CEP112: variants seen among roughly 807,000 people sequenced by gnomAD.
The protein encoded by CEP112 is centrosomal protein 112.
Under a neutral mutation model 153.0 loss-of-function variants are expected in CEP112, and 127 were observed. The observed-to-expected ratio is 0.83, with a 90% CI of 0.72 to 0.96. CEP112 has a LOEUF of 0.96. Ranked by LOEUF, CEP112 falls within the 40% of genes least tolerant of loss-of-function variation. The probability of loss-of-function intolerance (pLI) is 0.00; values close to 1 mark genes in which losing one functional copy is unlikely to be tolerated. For synonymous variants in CEP112, 358 were observed against 374.4 expected, an observed-to-expected ratio of 0.96 and a Z score of 0.51; for missense variants, 1,089 against 1,101.2, an observed-to-expected ratio of 0.99 and a Z score of 0.16.
intron 24 of CEP112, among the ~76,000 whole-genome samples, chr17:65,662,126 G>C (rs1019277421): frequency 2.6e-5 from 4 of 152,100 alleles, no homozygotes; most frequent in Non-Finnish European, 5.9e-5. Flanking sequence ...GCACCACCAC[G>C]CCTGACTAAG....
intron 6 of CEP112, among the ~76,000 whole-genome samples, chr17:66,103,199 A>G (rs147432085): frequency 1.3e-4 from 20 of 152,034 alleles, no homozygotes; most frequent in African/African-American, 4.6e-4. Flanking sequence ...CACTGAGTGA[A>G]TAAGAGCGAA....
chr17:65,935,821 C>A (rs1318127883), intron 18 of CEP112, among the ~76,000 whole-genome samples: 1 of 151,248 alleles, frequency 6.6e-6, no homozygotes, highest in African/African-American at 2.4e-5. Context: ...CTCAAATCAA[C>A]AACCTAATAT....
chr17:65,933,372 C>A (rs72843717), intron 18 of CEP112, among the ~76,000 whole-genome samples: 2 of 152,052 alleles, frequency 1.3e-5, no homozygotes, highest in Non-Finnish European at 2.9e-5. Flanking sequence ...AGACAGTTCA[C>A]GAAGACACAT....
intron 21 of CEP112, 75 bp downstream of exon 21, chr17:65,851,729 A>T: frequency 9.7e-7 from 1 of 1,030,720 alleles, no homozygotes. Context: ...TTTGGAGATT[A>T]AATATAAGGG....
At chr17:65,888,706 A>C (rs2059368081) in intron 20 of CEP112, among the ~76,000 whole-genome samples, 1 of 152,194 alleles carries the variant, frequency 6.6e-6, no homozygotes, top group African/African-American at 2.4e-5. Context: ...AACAAATTCT[A>C]CTTAGAGATA....
At chr17:65,973,229 T>C (rs7504021) in intron 17 of CEP112, among the ~76,000 whole-genome samples, 73,292 of 152,104 alleles carry the variant, frequency 0.48, 18,648 homozygotes, top group East Asian at 0.89. Flanking sequence ...CAGCACAATT[T>C]ATAAAAGAAC....
At chr17:66,031,123 C>T (rs947414005) in intron 12 of CEP112, among the ~76,000 whole-genome samples, 1 of 152,184 alleles carries the variant, frequency 6.6e-6, no homozygotes, top group African/African-American at 2.4e-5. Context: ...CTTCTTCCTG[C>T]ATCTTATTCA....
rs916372698 is a variant in CEP112 at position 65,635,778 on chromosome 17, A to T, written c.*193T>A. On this transcript the variant is annotated 3_prime_UTR_variant, in exon 27 of 27. Coordinates refer to ENST00000535342, the MANE Select transcript of CEP112 (RefSeq NM_001199165.4). Reference sequence around the variant, plus strand: ...ATCGGAAATAAAGGAATGTTAAAAAAATAACTTAGGCAGACACAAATAAAA... The same window carrying T: ...ATCGGAAATAAAGGAATGTTAAAAATATAACTTAGGCAGACACAAATAAAA... 1 of 586,680 alleles carries T rather than the reference A, an allele frequency of 1.7e-6. No individual in the cohort carries two copies. Among genetic ancestry groups the T allele is most frequent in the Non-Finnish European group, 2.9e-6 (1 of 339,112 alleles). 36.3% of individuals were successfully genotyped at this position (586,680 alleles called of 1,614,324 possible).
At chr17:65,702,763 C>T (rs566605356) in intron 23 of CEP112, among the ~76,000 whole-genome samples, 9 of 152,138 alleles carry the variant, frequency 5.9e-5, no homozygotes, top group South Asian at 2.1e-4. Flanking sequence ...ATAATCATGG[C>T]GGAAGGTGAA....
intron 18 of CEP112, among the ~76,000 whole-genome samples, chr17:65,943,459 T>C (rs1339628344): frequency 6.6e-6 from 1 of 152,232 alleles, no homozygotes; most frequent in African/African-American, 2.4e-5. Context: ...TTATTTCTCC[T>C]TCACTTATGA....
intron 24 of CEP112, among the ~76,000 whole-genome samples, chr17:65,643,897 C>T (rs1437098932): frequency 1.3e-5 from 2 of 152,212 alleles, no homozygotes; most frequent in Non-Finnish European, 2.9e-5. Flanking sequence ...GGGTTCAGAG[C>T]TGCCAGCTTG....
At chr17:65,814,616 AAC>A (rs2056167971) in intron 21 of CEP112, among the ~76,000 whole-genome samples, 1 of 152,194 alleles carries the variant, frequency 6.6e-6, no homozygotes, top group Non-Finnish European at 1.5e-5. Flanking sequence ...CTGGATGTCC[AAC>A]ACAGAGTGGT....
intron 16 of CEP112, among the ~76,000 whole-genome samples, chr17:66,021,499 G>A (rs771389435): frequency 7.9e-5 from 12 of 152,214 alleles, no homozygotes; most frequent in Non-Finnish European, 1.2e-4. Context: ...AAAACTGCAC[G>A]TAACATTTCT....
At chr17:65,968,416 T>C (rs1331006986) in intron 17 of CEP112, among the ~76,000 whole-genome samples, 5 of 152,224 alleles carry the variant, frequency 3.3e-5, no homozygotes, top group Admixed American at 1.3e-4. Context: ...GCAAATTTTC[T>C]ATTTATCAAA....
intron 21 of CEP112, among the ~76,000 whole-genome samples, chr17:65,762,396 C>T (rs1395917427): frequency 6.6e-6 from 1 of 151,886 alleles, no homozygotes; most frequent in Admixed American, 6.6e-5. Context: ...CAATCTCTGC[C>T]TTTTAATTGG....
intron 19 of CEP112, among the ~76,000 whole-genome samples, chr17:65,921,456 A>G (rs1015152384): frequency 6.6e-6 from 1 of 152,164 alleles, no homozygotes; most frequent in African/African-American, 2.4e-5. Context: ...GCTAACTAAA[A>G]AAGTTTGTAT....
intron 18 of CEP112, among the ~76,000 whole-genome samples, chr17:65,947,347 G>T (rs948163605): frequency 6.6e-6 from 1 of 152,050 alleles, no homozygotes; most frequent in Non-Finnish European, 1.5e-5. Context: ...CTAGTAGAGA[G>T]CAGGTATTCA....
At chr17:66,149,777 C>A (rs1396738457) in intron 4 of CEP112, among the ~76,000 whole-genome samples, 3 of 149,724 alleles carry the variant, frequency 2.0e-5, no homozygotes, top group African/African-American at 7.4e-5. Flanking sequence ...ATTTTCTCTA[C>A]TGTTTTTCTG....
intron 20 of CEP112, among the ~76,000 whole-genome samples, chr17:65,884,706 C>CTTTTTTTTTTTTTTTTTTTTTTT (rs11370374): frequency 4.6e-5 from 6 of 130,662 alleles, no homozygotes; most frequent in Non-Finnish European, 4.7e-5. Flanking sequence ...TTTGTAGTTT[C>CTTTTTTTTTTTTTTTTTTTTTTT]TTTTTTTTTT....
Sources: gnomAD v4.1 joint callset for allele counts (sites outside exome capture counted in the v4.1 genomes callset) on GRCh38, gnomAD v4.1.1 for gene constraint, MANE v1.5 for transcripts, NCBI Gene and HGNC (gene_info 2026-07-23, HGNC 2026-07-21) for gene names.